Variants in ALMS1 observed in about 807,000 individuals in gnomAD.
The protein encoded by ALMS1 is ALMS1 centrosome and basal body associated protein.
ALMS1 carries 271 observed loss-of-function variants against 352.2 expected under a neutral mutation model. That is an observed-to-expected ratio of 0.77 (90% CI 0.70 to 0.85). ALMS1 has a LOEUF of 0.85. ALMS1 is among the 40% of genes least tolerant of loss of function. ALMS1 has a pLI of 0.00. For synonymous variants in ALMS1, 1,865 were observed against 1,761.2 expected, an observed-to-expected ratio of 1.06 and a Z score of -1.48; for missense variants, 5,445 against 4,870.7, an observed-to-expected ratio of 1.12 and a Z score of -3.51.
intron 7 of ALMS1, among the ~76,000 whole-genome samples, chr2:73,432,844 C>T (rs191808947): frequency 4.6e-5 from 7 of 152,272 alleles, no homozygotes; most frequent in Admixed American, 4.6e-4. Flanking sequence ...TCGCATTCTA[C>T]ATGGCAGTGT....
chr2:73,547,313 G>C (rs1459342847), intron 12 of ALMS1, among the ~76,000 whole-genome samples: 2 of 152,196 alleles, frequency 1.3e-5, no homozygotes, highest in Non-Finnish European at 2.9e-5. Context: ...ACCAAAAAAA[G>C]CATATTGATT....
chr2:73,422,258 A>G (rs1173669800), intron 3 of ALMS1, among the ~76,000 whole-genome samples: 5 of 152,088 alleles, frequency 3.3e-5, no homozygotes, highest in African/African-American at 9.7e-5. Flanking sequence ...TCTGTATTCA[A>G]TCTGTTGCTG....
At chr2:73,478,853 C>T (rs943975259) in intron 9 of ALMS1, among the ~76,000 whole-genome samples, 4 of 152,048 alleles carry the variant, frequency 2.6e-5, no homozygotes, top group East Asian at 1.9e-4. Context: ...CTGACCCCAC[C>T]GACAGGCCCC....
At chr2:73,565,127 A>G (rs1048153134) in intron 15 of ALMS1, among the ~76,000 whole-genome samples, 3 of 152,258 alleles carry the variant, frequency 2.0e-5, no homozygotes, top group African/African-American at 7.2e-5. Flanking sequence ...TCAAGGCACT[A>G]TTAGTAGAAA....
intron 9 of ALMS1, chr2:73,458,352 A>G (rs1672117036): frequency 6.6e-6 from 1 of 152,190 alleles, no homozygotes; most frequent in Non-Finnish European, 1.5e-5. Context: ...TGAACATAAC[A>G]ATTTATTCAC....
intron 16 of ALMS1, among the ~76,000 whole-genome samples, chr2:73,595,912 T>G: frequency 6.6e-6 from 1 of 152,254 alleles, no homozygotes; most frequent in Non-Finnish European, 1.5e-5. Context: ...GTGTGCTTAT[T>G]GGCCACTCTT....
chr2:73,498,789 G>T (rs11680965), intron 10 of ALMS1, among the ~76,000 whole-genome samples: 20,217 of 152,054 alleles, frequency 0.13, 1,544 homozygotes, highest in Admixed American at 0.18. Context: ...CTGTGTATAT[G>T]TACCACATTT....
intron 9 of ALMS1, among the ~76,000 whole-genome samples, chr2:73,476,165 G>A (rs987701622): frequency 2.6e-5 from 4 of 151,846 alleles, no homozygotes; most frequent in Non-Finnish European, 4.4e-5. Flanking sequence ...TTTTGCCACT[G>A]GTTTATTTCA....
At chr2:73,447,892 T>G (rs1671837944) in intron 7 of ALMS1, 68 bp from the exon 8 acceptor site, 1 of 1,489,632 alleles carries the variant, frequency 6.7e-7, no homozygotes, top group African/African-American at 1.4e-5. Flanking sequence ...AAAGCTGGCT[T>G]TTTTCCAGCA....
chr2:73,440,397 A>G (rs1291300794), intron 7 of ALMS1, among the ~76,000 whole-genome samples: 1 of 151,196 alleles, frequency 6.6e-6, no homozygotes, highest in Non-Finnish European at 1.5e-5. Context: ...TTTGAATTTG[A>G]CTCATCTTAT....
At chr2:73,493,874 T>C (rs562760387) in intron 10 of ALMS1, among the ~76,000 whole-genome samples, 15 of 152,380 alleles carry the variant, frequency 9.8e-5, no homozygotes, top group African/African-American at 3.4e-4. Context: ...CTGTGTATCA[T>C]GTTACCCTGA....
intron 16 of ALMS1, among the ~76,000 whole-genome samples, chr2:73,597,879 C>A (rs1442762207): frequency 1.3e-5 from 2 of 151,992 alleles, no homozygotes; most frequent in Non-Finnish European, 2.9e-5. Flanking sequence ...CTGATTTAGC[C>A]CATCATTCCT....
chr2:73,535,617 CTTTCCCTAGAAT>C (rs1402552456), intron 12 of ALMS1, among the ~76,000 whole-genome samples: 1 of 152,152 alleles, frequency 6.6e-6, no homozygotes, highest in Admixed American at 6.5e-5. Context: ...TATCACTGTC[CTTTCCCTAGAAT>C]TTTAAACTAT....
chr2:73,432,905 T>G (rs1292191615), intron 7 of ALMS1, among the ~76,000 whole-genome samples: 1 of 152,178 alleles, frequency 6.6e-6, no homozygotes, highest in East Asian at 1.9e-4. Flanking sequence ...GTTTATTCCT[T>G]TGTGTGACTT....
chr2:73,589,223 A>C (rs1388398704), intron 16 of ALMS1, among the ~76,000 whole-genome samples: 1 of 105,518 alleles, frequency 9.5e-6, no homozygotes, highest in Non-Finnish European at 1.7e-5. Flanking sequence ...TGATAAACAC[A>C]AAAAGTTATA....
At chr2:73,386,347 C>G (rs941187307) in intron 1 of ALMS1, among the ~76,000 whole-genome samples, 155 bp downstream of exon 1, 13 of 152,196 alleles carry the variant, frequency 8.5e-5, no homozygotes, top group African/African-American at 3.1e-4. Flanking sequence ...CAGGTGCCGG[C>G]CGGCTGCTCC....
chr2:73,464,492 C>A (rs1182122187), intron 9 of ALMS1, among the ~76,000 whole-genome samples: 14 of 152,160 alleles, frequency 9.2e-5, no homozygotes, highest in Non-Finnish European at 7.3e-5. Context: ...CAATATCATA[C>A]CGAATGGGCA....
chr2:73,603,563 A>G lies in ALMS1; in HGVS notation c.12362+259A>G, dbSNP rs1573056886. 4.7e-5 allele frequency: 21 copies of G among 442,180 alleles called. No homozygotes were observed. The East Asian group carries it at 9.8e-4, about 21-fold the overall frequency. 27.4% of individuals were successfully genotyped at this position (442,180 alleles called of 1,614,324 possible). On this transcript the variant is annotated intron_variant, in intron 21 of 22. Coordinates refer to ENST00000613296, the MANE Select transcript of ALMS1 (RefSeq NM_001378454.1). ...CTCTTTATTAGAAACCTAAATGTAAATAAAGAATATTTTAGGCCAGGTACG... is the reference window on the plus strand; with the variant it reads ...CTCTTTATTAGAAACCTAAATGTAAGTAAAGAATATTTTAGGCCAGGTACG...
intron 1 of ALMS1, among the ~76,000 whole-genome samples, chr2:73,397,229 A>C (rs1670782403): frequency 6.6e-6 from 1 of 152,134 alleles, no homozygotes; most frequent in Non-Finnish European, 1.5e-5. Flanking sequence ...CCCTAGTACT[A>C]GTTAGTTCCC....
Sources: allele counts gnomAD v4.1 joint callset (sites outside exome capture counted in the v4.1 genomes callset), GRCh38; gene constraint gnomAD v4.1.1; transcripts MANE v1.5; gene names NCBI Gene and HGNC (gene_info 2026-07-23, HGNC 2026-07-21).